Variants in TPD52 observed in about 807,000 individuals in gnomAD.
TPD52 encodes tumor protein D52.
Under a neutral mutation model 31.3 loss-of-function variants are expected in TPD52, and 17 were observed. The observed-to-expected ratio is 0.54, with a 90% CI of 0.37 to 0.82. The LOEUF is 0.82. Among genes scored for constraint, TPD52 ranks in the 40% least tolerant of loss-of-function variants. The pLI, the probability that TPD52 is intolerant of heterozygous loss-of-function variation, is 0.00. For synonymous variants in TPD52, 83 were observed against 89.6 expected (o/e 0.93, Z 0.42); for missense variants, 212 against 240.1 (o/e 0.88, Z 0.77).
chr8:80,130,044 G>C (rs1808914054), intron 1 of TPD52, among the ~76,000 whole-genome samples: 1 of 152,162 alleles, frequency 6.6e-6, no homozygotes, highest in Non-Finnish European at 1.5e-5. Context: ...AGGTCAGCCA[G>C]GTCACGAGTT....
chr8:80,096,091 A>T (rs547123802), intron 1 of TPD52, among the ~76,000 whole-genome samples: 40 of 152,270 alleles, frequency 2.6e-4, no homozygotes, highest in African/African-American at 9.1e-4. Context: ...ACCCGTCTCT[A>T]TGAAAAATAC....
chr8:80,067,835 C>T (rs1001410045), intron 1 of TPD52, among the ~76,000 whole-genome samples: 3 of 150,978 alleles, frequency 2.0e-5, no homozygotes, highest in Non-Finnish European at 2.9e-5. Context: ...CTAAAGTTTC[C>T]CCAAACCTGG....
In TPD52 at chr8:80,068,094, G is replaced by T. The variant is rs1233404602; in HGVS notation, c.20-3501C>A. On this transcript the variant is annotated intron_variant, in intron 1 of 7. Transcript: ENST00000518937. Reference sequence around the variant, plus strand: ...TTTTCTCAGAATCTGATGGAAAGCTGTTTTTAAAAGACAAAGATGGTGGGG... The same window carrying T: ...TTTTCTCAGAATCTGATGGAAAGCTTTTTTTAAAAGACAAAGATGGTGGGG... Among the ~76,000 whole-genome samples the T allele has an allele frequency of 4.0e-5, 6 of 150,674 alleles. No individual in the cohort carries two copies. In the East Asian group the frequency reaches 1.2e-3, roughly 29 times the overall value.
At chr8:80,087,804 G>T (rs1399386602) in intron 1 of TPD52, among the ~76,000 whole-genome samples, 1 of 152,162 alleles carries the variant, frequency 6.6e-6, no homozygotes, top group African/African-American at 2.4e-5. Context: ...CAGGGTGAGA[G>T]GGCAGAGAGG....
intron 1 of TPD52, among the ~76,000 whole-genome samples, chr8:80,164,033 A>AGTGT (rs1174288564): frequency 1.4e-5 from 2 of 145,622 alleles, no homozygotes; most frequent in African/African-American, 5.1e-5. Context: ...ACAGAGAGAG[A>AGTGT]GAGAGAGAGA....
intron 1 of TPD52, among the ~76,000 whole-genome samples, chr8:80,074,633 C>A (rs1019338524): frequency 1.3e-5 from 2 of 152,190 alleles, no homozygotes; most frequent in South Asian, 2.1e-4. Context: ...GTTGTAACAA[C>A]CAAAAGAGTA....
chr8:80,161,833 G>A (rs1017800006), intron 1 of TPD52, among the ~76,000 whole-genome samples: 1 of 151,172 alleles, frequency 6.6e-6, no homozygotes, highest in Non-Finnish European at 1.5e-5. Flanking sequence ...GGGTTCAAGC[G>A]ATTCTCTTGC....
chr8:80,066,378 C>T (rs915957255), intron 1 of TPD52, among the ~76,000 whole-genome samples: 5 of 152,102 alleles, frequency 3.3e-5, no homozygotes, highest in African/African-American at 4.8e-5. Flanking sequence ...ATAAAAGTAA[C>T]ACAAAAAATT....
chr8:80,114,505 CATTA>C (rs961506968), intron 1 of TPD52, among the ~76,000 whole-genome samples: 35 of 151,846 alleles, frequency 2.3e-4, no homozygotes, highest in Non-Finnish European at 4.4e-4. Context: ...ATATTTGTTG[CATTA>C]ATTAGTTAAT....
At chr8:80,111,868 G>A (rs569390384) in intron 1 of TPD52, among the ~76,000 whole-genome samples, 2 of 152,294 alleles carry the variant, frequency 1.3e-5, no homozygotes, top group Middle Eastern at 3.4e-3. Context: ...TGTAAAATCT[G>A]AGTGATATTT....
chr8:80,040,164 G>A (rs191047296), intron 7 of TPD52, among the ~76,000 whole-genome samples: 70 of 144,002 alleles, frequency 4.9e-4, no homozygotes, highest in African/African-American at 1.8e-3. Context: ...GATACTTGGG[G>A]TATCTGTTTA....
chr8:80,094,525 C>T (rs1816584443), intron 1 of TPD52, among the ~76,000 whole-genome samples: 1 of 125,976 alleles, frequency 7.9e-6, no homozygotes, highest in Admixed American at 9.1e-5. Flanking sequence ...AAGATTGTTG[C>T]CAATAGCCAC....
Position 80,036,146 on chromosome 8 carries a change from AC to A in TPD52, c.*1969del, listed in dbSNP as rs1044582234. On this transcript the variant is annotated 3_prime_UTR_variant, in exon 8 of 8. Coordinates refer to ENST00000518937, the MANE Select transcript of TPD52 (RefSeq NM_001025253.3). ...CCTTCATCCACTCACCCCACTTGCC[AC>A]CCCCATTTCTATCACTTTTCCCTTT... 2 of 151,840 alleles carry A rather than the reference AC, an allele frequency of 1.3e-5. No individual in the cohort carries two copies. The highest frequency in any genetic ancestry group is 4.8e-5 in the African/African-American group (2 of 41,316). 9.4% of individuals were successfully genotyped at this position (151,840 alleles called of 1,614,324 possible). A position where few individuals can be genotyped will look rare whatever the true frequency, so the allele number is the denominator to read the frequency against.
At chr8:80,070,651 C>T (rs1261115553) in intron 1 of TPD52, among the ~76,000 whole-genome samples, 1 of 152,210 alleles carries the variant, frequency 6.6e-6, no homozygotes, top group Non-Finnish European at 1.5e-5. Context: ...TCCTAACAGG[C>T]CACAGATGGG....
At chr8:80,105,581 T>C (rs1485395575) in intron 1 of TPD52, among the ~76,000 whole-genome samples, 1 of 152,134 alleles carries the variant, frequency 6.6e-6, no homozygotes, top group Non-Finnish European at 1.5e-5. Context: ...GTCTTGCTGA[T>C]GCTCTCAGCC....
intron 1 of TPD52, among the ~76,000 whole-genome samples, chr8:80,132,508 G>A (rs1443988650): frequency 6.6e-6 from 1 of 152,220 alleles, no homozygotes; most frequent in South Asian, 2.1e-4. Flanking sequence ...ATGCCAGGCC[G>A]AAAATCTATT....
At chr8:80,124,718 T>C (rs1023528461) in intron 1 of TPD52, among the ~76,000 whole-genome samples, 10 of 152,316 alleles carry the variant, frequency 6.6e-5, no homozygotes, top group Non-Finnish European at 1.3e-4. Context: ...GAATTTTTTT[T>C]TAAGAATAGC....
rs185592586 is a variant in TPD52, at chr8:80,171,559, G to T, written c.-116C>A. 9.1e-6 allele frequency: 12 copies of T among 1,325,516 alleles called. No homozygotes were observed. In the South Asian group the frequency reaches 1.4e-4, roughly 15 times the overall value. The allele number at this position is 1,325,516 out of a possible 1,614,324, so 82.1% of individuals were successfully genotyped here. A position where few individuals can be genotyped will look rare whatever the true frequency, so the allele number is the denominator to read the frequency against. The stretch of plus-strand genomic sequence containing the variant: ...CCTCGCCTCCGCCGGCGACTCCCGC[G>T]AAGTCCCCACCCCCAGAGGCGTCGG... On this transcript the variant is annotated 5_prime_UTR_variant, in exon 1 of 8. Transcript: ENST00000518937.
chr8:80,159,081 A>G (rs1168141727), intron 1 of TPD52, among the ~76,000 whole-genome samples: 1 of 152,192 alleles, frequency 6.6e-6, no homozygotes, highest in Non-Finnish European at 1.5e-5. Flanking sequence ...TGTTTCGTTT[A>G]AACTGGGAAC....
Sources: allele counts gnomAD v4.1 joint callset (sites outside exome capture counted in the v4.1 genomes callset), GRCh38; gene constraint gnomAD v4.1.1; transcripts MANE v1.5; gene names NCBI Gene and HGNC (gene_info 2026-07-23, HGNC 2026-07-21).